TCF4: variants seen among roughly 807,000 people sequenced by gnomAD.
TCF4 encodes SL3-3 enhancer factor 2.
A neutral mutation model predicts 82.1 loss-of-function variants in TCF4; 3 were observed. The ratio of observed to expected loss-of-function variants is 0.04; its 90% CI spans 0.02 to 0.09. The LOEUF is 0.09. Among genes scored for constraint, TCF4 ranks in the 10% least tolerant of loss-of-function variants. TCF4 has a pLI of 1.00. For missense variants in TCF4, 518 were observed against 852.7 expected (o/e 0.61, Z 4.89); for synonymous variants, 276 against 309.6 (o/e 0.89, Z 1.14).
intron 6 of TCF4, among the ~76,000 whole-genome samples, chr18:55,366,051 T>A (rs1237901711): frequency 6.6e-6 from 1 of 151,798 alleles, no homozygotes; most frequent in Non-Finnish European, 1.5e-5. Flanking sequence ...ATAGACCATG[T>A]GGATAGGCCT....
intron 5 of TCF4, among the ~76,000 whole-genome samples, chr18:55,427,075 A>G (rs999557572): frequency 6.6e-6 from 1 of 152,202 alleles, no homozygotes; most frequent in African/African-American, 2.4e-5. Flanking sequence ...TCTTGAGAAT[A>G]TAAGGGGGAA....
At chr18:55,478,557 G>A (rs2096350651) in intron 3 of TCF4, among the ~76,000 whole-genome samples, 2 of 152,216 alleles carry the variant, frequency 1.3e-5, no homozygotes, top group East Asian at 3.9e-4. Context: ...GTACACAAAA[G>A]AAACCGCGAA....
chr18:55,394,512 AG>A (rs1228239924), intron 6 of TCF4, among the ~76,000 whole-genome samples: 2 of 152,188 alleles, frequency 1.3e-5, no homozygotes, highest in African/African-American at 4.8e-5. Flanking sequence ...AAGAACCCTA[AG>A]AATGCTAACA....
chr18:55,489,251 G>A (rs2096550281), intron 3 of TCF4, among the ~76,000 whole-genome samples: 1 of 152,162 alleles, frequency 6.6e-6, no homozygotes, highest in Non-Finnish European at 1.5e-5. Flanking sequence ...AAGAGATACT[G>A]AAGCAGATTC....
At chr18:55,284,851 C>G (rs1323891684) in intron 8 of TCF4, among the ~76,000 whole-genome samples, 1 of 152,166 alleles carries the variant, frequency 6.6e-6, no homozygotes, top group East Asian at 1.9e-4. Context: ...TCAACTGTGA[C>G]AGTTAAACAC....
At chr18:55,321,840 A>T (rs531591194) in intron 8 of TCF4, 6 of 1,486,666 alleles carry the variant, frequency 4.0e-6, no homozygotes, top group Admixed American at 4.2e-5. Flanking sequence ...ATTTTCCCAT[A>T]TGGCCGGGCC....
chr18:55,317,377 T>C (rs2074401352), intron 8 of TCF4, among the ~76,000 whole-genome samples: 1 of 152,056 alleles, frequency 6.6e-6, no homozygotes. Context: ...ACTGGCTGCT[T>C]TCATTTATAA....
intron 5 of TCF4, among the ~76,000 whole-genome samples, chr18:55,411,324 A>T (rs1411644047): frequency 1.3e-5 from 2 of 152,190 alleles, no homozygotes; most frequent in African/African-American, 4.8e-5. Context: ...AGTGATGCCT[A>T]CCCTATCTTA....
intron 3 of TCF4, among the ~76,000 whole-genome samples, chr18:55,465,717 C>A (rs530557946): frequency 2.0e-5 from 3 of 152,182 alleles, no homozygotes; most frequent in Admixed American, 2.0e-4. Flanking sequence ...TTGTAGCCTA[C>A]ACGGTTCTCT....
At chr18:55,422,140 A>AC (rs2094791030) in intron 5 of TCF4, 3 of 886,438 alleles carry the variant, frequency 3.4e-6, no homozygotes, top group Non-Finnish European at 4.0e-6. Context: ...AAAAAAAAAA[A>AC]AAAAAAAACC....
chr18:55,377,774 C>T (rs533001556), intron 6 of TCF4, among the ~76,000 whole-genome samples: 1 of 152,172 alleles, frequency 6.6e-6, no homozygotes, highest in Non-Finnish European at 1.5e-5. Flanking sequence ...CCAATAAATG[C>T]TGTTACCATT....
intron 3 of TCF4, among the ~76,000 whole-genome samples, chr18:55,505,573 G>C (rs1198352926): frequency 6.6e-6 from 1 of 151,878 alleles, no homozygotes; most frequent in African/African-American, 2.4e-5. Context: ...GGAAGGCCGA[G>C]GCGGGCGGAT....
At chr18:55,228,686 G>C (rs1223356978) in intron 18 of TCF4, among the ~76,000 whole-genome samples, 161 bp downstream of exon 18, 1 of 152,214 alleles carries the variant, frequency 6.6e-6, no homozygotes, top group Non-Finnish European at 1.5e-5. Context: ...AGAAAGGGAT[G>C]CTGCCTTATG....
At chr18:55,321,622 G>A (rs1278533706) in intron 8 of TCF4, 1 of 1,535,968 alleles carries the variant, frequency 6.5e-7, no homozygotes, top group Non-Finnish European at 8.7e-7. Flanking sequence ...TCATCCCTGC[G>A]ACAATAAAAC....
At position 55,461,668 on chromosome 18, in the gene TCF4, G is replaced by A. The variant is rs143430656; in HGVS notation, c.208-553C>T. ...ACATAAGTAATTAACACATAAGAAA[G>A]TTAAGAATATTAGGGTTTAACTAGG... On this transcript the variant is annotated intron_variant, in intron 4 of 19. Transcript: ENST00000354452. Among the ~76,000 whole-genome samples, 672 of 152,208 alleles carry A rather than the reference G, an allele frequency of 4.4e-3. 10 individuals are homozygous for A. The highest frequency in any genetic ancestry group is 0.015 in the African/African-American group (644 of 41,552).
At chr18:55,451,443 G>A (rs998475838) in intron 5 of TCF4, among the ~76,000 whole-genome samples, 5 of 152,176 alleles carry the variant, frequency 3.3e-5, no homozygotes, top group African/African-American at 1.2e-4. Flanking sequence ...ACTAGGAAGT[G>A]AAAAGCCAAG....
rs1352457501 is a variant in TCF4 at position 55,350,882 on chromosome 18, C to A, written c.491G>T (p.Ser164Ile). 6.2e-7 allele frequency: 1 copy of A among 1,613,432 alleles called. No individual in the cohort carries two copies. The highest frequency in any genetic ancestry group is 1.7e-4 in the Middle Eastern group (1 of 6,056). ...NNPRRRPLHSSAMEVQTKKVR... is the reference protein window; with the variant it reads ...NNPRRRPLHSIAMEVQTKKVR... ...ACAAAGGAATACCTTACCCATGGCACTACTGTGAAGAGGCCTCCTTCGGGG... is the reference window on the plus strand; with the variant it reads ...ACAAAGGAATACCTTACCCATGGCAATACTGTGAAGAGGCCTCCTTCGGGG... Residue 164 changes from serine to isoleucine, a missense_variant, in exon 7 of 20, where the codon AGT becomes ATT. Ser to Ile is a moderately radical substitution (Grantham distance 142). This residue lies in a region of TCF4 where 211 missense variants were observed against 327.4 expected (regional missense o/e 0.64). Coordinates refer to ENST00000354452, the MANE Select transcript of TCF4 (RefSeq NM_001083962.2).
At chr18:55,266,449 C>T (rs2059199406) in intron 11 of TCF4, 1 of 152,084 alleles carries the variant, frequency 6.6e-6, no homozygotes, top group Admixed American at 6.6e-5. Flanking sequence ...GGTGCGCCAC[C>T]AGCTGAACTA....
At chr18:55,384,614 C>G (rs2092410632) in intron 6 of TCF4, among the ~76,000 whole-genome samples, 1 of 152,204 alleles carries the variant, frequency 6.6e-6, no homozygotes, top group Non-Finnish European at 1.5e-5. Context: ...TGAAAGAAGA[C>G]AACCCATTAG....
Sources: allele counts gnomAD v4.1 joint callset (sites outside exome capture counted in the v4.1 genomes callset), GRCh38; gene constraint gnomAD v4.1.1; regional missense constraint gnomAD v4.1.1; transcripts MANE v1.5; gene names NCBI Gene and HGNC (gene_info 2026-07-23, HGNC 2026-07-21).